Variants in SLC18B1 observed in about 807,000 individuals in gnomAD.
SLC18B1 encodes solute carrier family 18 member B1, also known as MFS-type transporter SLC18B1.
In SLC18B1, 62 loss-of-function variants were observed where a neutral mutation model predicts 53.9. The observed-to-expected ratio is 1.15, with a 90% CI of 0.94 to 1.42. SLC18B1 has a LOEUF of 1.42. Ranked by LOEUF, SLC18B1 falls within the 40% of genes most tolerant of loss-of-function variation. SLC18B1 has a pLI of 0.00. For missense variants in SLC18B1, 598 were observed against 547.3 expected (o/e 1.09, Z -0.93); for synonymous variants, 217 against 200.9 (o/e 1.08, Z -0.68).
At chr6:132,783,882 G>A (rs755706322) in intron 6 of SLC18B1, 51 bp downstream of exon 6, 11 of 1,365,044 alleles carry the variant, frequency 8.1e-6, no homozygotes, top group Non-Finnish European at 9.7e-6. Context: ...TCTTACAAAG[G>A]TATAAAAATA....
chr6:132,773,257 C>T (rs1781020278), intron 9 of SLC18B1, among the ~76,000 whole-genome samples, 169 bp from the exon 10 acceptor site: 1 of 122,096 alleles, frequency 8.2e-6, no homozygotes, highest in Non-Finnish European at 1.6e-5. Context: ...GTTAGAGTGT[C>T]CTTTAGCTCC....
At chr6:132,792,953 T>G (rs1198681870) in intron 2 of SLC18B1, among the ~76,000 whole-genome samples, 1 of 152,118 alleles carries the variant, frequency 6.6e-6, no homozygotes, top group Non-Finnish European at 1.5e-5. Context: ...ACCCCGTCTC[T>G]ACTAAAAATA....
intron 13 of SLC18B1, 39 bp from the exon 14 acceptor site, chr6:132,770,375 T>C: frequency 6.5e-7 from 1 of 1,533,462 alleles, no homozygotes; most frequent in Non-Finnish European, 9.0e-7. Context: ...TCAATATTTC[T>C]CATCTTAAAA....
At position 132,784,101 on chromosome 6, in the gene SLC18B1, A is replaced by G; in HGVS notation, c.502-12T>C. 1 of 1,538,148 alleles carries G rather than the reference A, an allele frequency of 6.5e-7. No individual in the cohort carries two copies. Among genetic ancestry groups the G allele is most frequent in the Non-Finnish European group, 8.7e-7 (1 of 1,149,884 alleles). ...GTCTCAAGACTTCCCTTAAAATGAG[A>G]AAAAGAAAAAATCAGTTTAAATATT... On this transcript the variant is annotated splice_polypyrimidine_tract_variant and intron_variant, in intron 5 of 13. Coordinates refer to ENST00000275227, the MANE Select transcript of SLC18B1 (RefSeq NM_052831.3).
chr6:132,770,172 G>A lies in SLC18B1; in HGVS notation c.*98C>T. 2 of 968,614 alleles carry A rather than the reference G, an allele frequency of 2.1e-6. No individual in the cohort carries two copies. The highest frequency in any genetic ancestry group is 4.8e-5 in the East Asian group (2 of 41,316). 60.0% of individuals were successfully genotyped at this position (968,614 alleles called of 1,614,324 possible). On this transcript the variant is annotated 3_prime_UTR_variant, in exon 14 of 14. Transcript: ENST00000275227. ...CCAAGACACTGGCACGGGGTCCACG[G>A]AGTTTTGCGCGTAAAATTTTAAAAA...
rs569952856 is a variant in SLC18B1 at position 132,791,387 on chromosome 6, C to A, written c.184-1115G>T. ...TATAACCATGATTGCCTTTCTTTAT[C>A]TTTTCTCTCTACAATTGATGATAAA... On this transcript the variant is annotated intron_variant, in intron 2 of 13. Transcript: ENST00000275227. Among the ~76,000 whole-genome samples the A allele has an allele frequency of 3.8e-4, 58 of 152,278 alleles. No homozygotes were observed. In the South Asian group the frequency reaches 0.011, roughly 30 times the overall value.
intron 5 of SLC18B1, among the ~76,000 whole-genome samples, chr6:132,785,892 C>A (rs1781355408): frequency 1.5e-5 from 1 of 66,600 alleles, no homozygotes. Context: ...AAGACCCTGT[C>A]TCTACAAAAA....
In SLC18B1 at chr6:132,792,279, GAAAGGAAGA is replaced by G. The variant is rs1562271405; in HGVS notation, c.184-2016_184-2008del. 2.8e-4 allele frequency among the ~76,000 whole-genome samples: 15 copies of G among 54,396 alleles called. 1 individual carries two copies. Among genetic ancestry groups the G allele is most frequent in the African/African-American group, 1.1e-3 (9 of 8,116 alleles). 35.7% of individuals were successfully genotyped at this position (54,396 alleles called of 152,430 possible). On this transcript the variant is annotated intron_variant, in intron 2 of 13. Transcript: ENST00000275227. ...AGAAAGAAAGAAAGAAAGAAAGAAA[GAAAGGAAGA>G]AAGGAAGGAAGGAAGGAAGGAAGGA... is the stretch of plus-strand genomic sequence containing the variant.
At position 132,770,336 on chromosome 6, in the gene SLC18B1, C is replaced by T. The variant is rs1306703775; in HGVS notation, c.1305G>A (p.Arg435=). The change falls in exon 14 of 14, where the codon AGG becomes AGA. Residue 435 remains arginine, a splice_region_variant and synonymous_variant. Transcript: ENST00000275227. ...TGCTGAGGATGTTTTGAGATTTAGA[C>T]CTACATTGAGGGAAAGAAGAGATGA... The part of the protein sequence containing the change: ...FYLLEYSRRK[R]SKSQNILSTE... The T allele has an allele frequency of 9.3e-6, 15 of 1,611,962 alleles. No homozygotes were observed. Among genetic ancestry groups the T allele is most frequent in the Non-Finnish European group, 1.1e-5 (13 of 1,178,244 alleles).
intron 6 of SLC18B1, among the ~76,000 whole-genome samples, chr6:132,783,629 A>AT (rs1161280919): frequency 1.6e-4 from 25 of 152,234 alleles, no homozygotes; most frequent in African/African-American, 5.5e-4. Flanking sequence ...AGACTGGGCC[A>AT]TATGTGGCCC....
At chr6:132,792,251 GAA>G (rs1205766385) in intron 2 of SLC18B1, among the ~76,000 whole-genome samples, 1 of 20,340 alleles carries the variant, frequency 4.9e-5, no homozygotes, top group Non-Finnish European at 9.1e-5. Flanking sequence ...AAGAAAGAAA[GAA>G]AGAAAGAAAG....
At chr6:132,772,617 T>C (rs1582852883) in intron 10 of SLC18B1, among the ~76,000 whole-genome samples, 2 of 152,306 alleles carry the variant, frequency 1.3e-5, no homozygotes, top group South Asian at 4.1e-4. Context: ...TTCATCATCA[T>C]GCCTATTAAA....
chr6:132,784,152 A>G, intron 5 of SLC18B1, 63 bp from the exon 6 acceptor site: 1 of 1,339,058 alleles, frequency 7.5e-7, no homozygotes, highest in South Asian at 2.0e-5. Context: ...ACATGGTACT[A>G]TCTTTAAAAA....
intron 7 of SLC18B1, among the ~76,000 whole-genome samples, chr6:132,778,269 A>G (rs1449173824): frequency 6.6e-6 from 1 of 152,142 alleles, no homozygotes; most frequent in African/African-American, 2.4e-5. Context: ...TGCAGGTCAC[A>G]GGGGTTATGA....
At chr6:132,795,071 C>G (rs1781637728) in intron 2 of SLC18B1, among the ~76,000 whole-genome samples, 1 of 152,054 alleles carries the variant, frequency 6.6e-6, no homozygotes, top group African/African-American at 2.4e-5. Context: ...CTTCTGCTAT[C>G]CACACTCCAT....
intron 6 of SLC18B1, among the ~76,000 whole-genome samples, chr6:132,782,139 G>T (rs1781253131): frequency 6.8e-6 from 1 of 147,686 alleles, no homozygotes; most frequent in African/African-American, 2.5e-5. Flanking sequence ...AGTGAGCCAA[G>T]ATCACACCAC....
At chr6:132,793,498 G>A (rs1479863660) in intron 2 of SLC18B1, among the ~76,000 whole-genome samples, 1 of 152,168 alleles carries the variant, frequency 6.6e-6, no homozygotes, top group Non-Finnish European at 1.5e-5. Flanking sequence ...CTGCTTGCCA[G>A]CATAATGTCA....
intron 2 of SLC18B1, among the ~76,000 whole-genome samples, chr6:132,792,280 A>AAAGAAAGGAAGGAAGGAAGG (rs1554223267): frequency 4.7e-5 from 2 of 42,696 alleles, no homozygotes; most frequent in East Asian, 5.7e-4. Flanking sequence ...AGAAAGAAAG[A>AAAGAAAGGAAGGAAGGAAGG]AAGGAAGAAA....
intron 1 of SLC18B1, 66 bp downstream of exon 1, chr6:132,798,348 T>C: frequency 6.8e-7 from 1 of 1,466,880 alleles, no homozygotes; most frequent in Admixed American, 2.5e-5. Flanking sequence ...ATTCAATCGT[T>C]GCTAAAGAGA....
Sources: gnomAD v4.1 joint callset for allele counts (sites outside exome capture counted in the v4.1 genomes callset) on GRCh38, gnomAD v4.1.1 for gene constraint, MANE v1.5 for transcripts, NCBI Gene and HGNC (gene_info 2026-07-23, HGNC 2026-07-21) for gene names.